HCN4: variants seen among roughly 807,000 people sequenced by gnomAD.
HCN4 encodes potassium/sodium hyperpolarization-activated cyclic nucleotide-gated channel 4.
In HCN4, 29 loss-of-function variants were observed where a neutral mutation model predicts 76.9. The ratio of observed to expected loss-of-function variants is 0.38; its 90% CI spans 0.28 to 0.51. The LOEUF is 0.51. HCN4 is among the 20% of genes least tolerant of loss of function. The pLI is 0.90. For synonymous variants in HCN4, 772 were observed against 762.5 expected (o/e 1.01, Z -0.21); for missense variants, 1,416 against 1,715.2 (o/e 0.83, Z 3.08).
At chr15:73,360,131 G>A (rs2043098569) in intron 1 of HCN4, among the ~76,000 whole-genome samples, 1 of 152,182 alleles carries the variant, frequency 6.6e-6, no homozygotes, top group Non-Finnish European at 1.5e-5. Flanking sequence ...AATTTTGATG[G>A]GATCCTGAAA....
Position 73,323,463 on chromosome 15 carries a change from G to A in HCN4, c.2630C>T (p.Ser877Leu), listed in dbSNP as rs1265789896. 3 of 1,607,778 alleles carry A rather than the reference G, an allele frequency of 1.9e-6. No individual in the cohort carries two copies. The African/African-American group carries it at 4.0e-5, about 21-fold the overall frequency. Residue 877 changes from serine to leucine, a missense_variant, in exon 8 of 8, where the codon TCA (serine) becomes TTA (leucine). Physicochemically the swap from Ser to Leu is moderately radical, Grantham distance 145. This residue lies in a region of HCN4 where 633 missense variants were observed against 579.8 expected (regional missense o/e 1.09). Coordinates refer to ENST00000261917, the MANE Select transcript of HCN4 (RefSeq NM_005477.3). ...CCCGGGGGGTGGGGAGGAGCTGGAT[G>A]AGGGCAGGAGTGGGCTCAGTCCAGC... is the stretch of plus-strand genomic sequence containing the variant. ...APAGLSPLLP[S>L]SSSSPPPGAC... is the part of the protein sequence containing the mutation.
At chr15:73,364,780 T>C (rs114677945) in intron 1 of HCN4, among the ~76,000 whole-genome samples, 1 of 152,090 alleles carries the variant, frequency 6.6e-6, no homozygotes, top group Non-Finnish European at 1.5e-5. Flanking sequence ...TGATTAGCCA[T>C]GGCCCAGGTT....
chr15:73,368,056 A>T lies in HCN4; in HGVS notation c.215T>A (p.Leu72His). ...CGGCCCTTCGCTGTCCGCTGCCCCGAGGGCCGAGCTCCGGGACTCCGTGCC... is the reference window on the plus strand; with the variant it reads ...CGGCCCTTCGCTGTCCGCTGCCCCGTGGGCCGAGCTCCGGGACTCCGTGCC... ...AGGTESRSSA[L>H]GAADSEGPAR... The change falls in exon 1 of 8, where the codon CTC (leucine) becomes CAC (histidine). Residue 72 changes from leucine to histidine, a missense_variant. By Grantham distance (99) the Leu-to-His change is moderately conservative. Coordinates refer to ENST00000261917, the MANE Select transcript of HCN4 (RefSeq NM_005477.3). The surrounding 1 kb of genome is among the most constrained non-coding windows in gnomAD (Gnocchi z 6.9). 6.8e-7 allele frequency: 1 copy of T among 1,477,440 alleles called. No individual in the cohort carries two copies. Among genetic ancestry groups the T allele is most frequent in the Middle Eastern group, 2.2e-4 (1 of 4,646 alleles). The allele number at this position is 1,477,440 out of a possible 1,614,324, so 91.5% of individuals were successfully genotyped here.
rs1179703489 is a variant in HCN4, at chr15:73,322,199, A to C, written c.*282T>G. On this transcript the variant is annotated 3_prime_UTR_variant, in exon 8 of 8. Transcript: ENST00000261917. ...ACCCCTGCCCAGCCCCGGAGACCCC[A>C]TCTGCCTTTCTCTGGCTTTTGCATT... 19 of 322,394 alleles carry C rather than the reference A, an allele frequency of 5.9e-5. No individual in the cohort carries two copies. The highest frequency in any genetic ancestry group is 1.0e-4 in the South Asian group (4 of 38,488). 20.0% of individuals were successfully genotyped at this position (322,394 alleles called of 1,614,324 possible). A position where few individuals can be genotyped will look rare whatever the true frequency, so the allele number is the denominator to read the frequency against.
chr15:73,337,573 T>C (rs2042974401), intron 2 of HCN4, among the ~76,000 whole-genome samples: 1 of 152,236 alleles, frequency 6.6e-6, no homozygotes, highest in African/African-American at 2.4e-5. Flanking sequence ...CTTTATCTTT[T>C]CATTACTCCT....
At chr15:73,347,507 A>T in intron 1 of HCN4, among the ~76,000 whole-genome samples, 1 of 152,180 alleles carries the variant, frequency 6.6e-6, no homozygotes. Flanking sequence ...AGGTAGAGGA[A>T]GTAGCACACC....
chr15:73,345,886 G>A (rs908149379), intron 1 of HCN4, among the ~76,000 whole-genome samples: 9 of 152,320 alleles, frequency 5.9e-5, no homozygotes, highest in African/African-American at 1.7e-4. Flanking sequence ...CAAGGCGGCT[G>A]GGAATGCTGA....
chr15:73,338,360 C>CTACA (rs2042979108), intron 2 of HCN4, among the ~76,000 whole-genome samples: 2 of 152,262 alleles, frequency 1.3e-5, no homozygotes, highest in African/African-American at 4.8e-5. Context: ...GCGGTCCAGG[C>CTACA]AGCTCACTCT....
chr15:73,339,052 C>T (rs377048046), intron 2 of HCN4, among the ~76,000 whole-genome samples: 4 of 152,230 alleles, frequency 2.6e-5, no homozygotes, highest in African/African-American at 9.6e-5. Flanking sequence ...TGCCTCCAGC[C>T]CCTCTTTGGC....
rs1057518303 is a variant in HCN4, at chr15:73,343,698, T to C, written c.896A>G (p.Asn299Ser). Residue 299 changes from asparagine to serine, a missense_variant, in exon 2 of 8, where the codon AAT (asparagine) becomes AGT (serine). Physicochemically the swap from Asn to Ser is conservative, Grantham distance 46 (BLOSUM62 1). This residue lies in a region of HCN4 where 52 missense variants were observed against 129.1 expected (regional missense o/e 0.40). Coordinates refer to ENST00000261917, the MANE Select transcript of HCN4 (RefSeq NM_005477.3). This position sits in a 1 kb window ranked among gnomAD's most constrained non-coding sequence, Gnocchi z 5.7. ...DENTTPWIVFNVVSDTFFLID... is the reference protein window; with the variant it reads ...DENTTPWIVFSVVSDTFFLID... The stretch of plus-strand genomic sequence containing the variant: ...GAGGAAGAATGTGTCTGACACCACA[T>C]TGAAGACAATCCAGGGTGTGGTGTT... The C allele has an allele frequency of 6.2e-7, 1 of 1,614,144 alleles. No individual in the cohort carries two copies. The highest frequency in any genetic ancestry group is 8.5e-7 in the Non-Finnish European group (1 of 1,179,998).
At chr15:73,364,496 G>A (rs1281514948) in intron 1 of HCN4, among the ~76,000 whole-genome samples, 3 of 152,230 alleles carry the variant, frequency 2.0e-5, no homozygotes, top group Non-Finnish European at 4.4e-5. Flanking sequence ...GTGGAAGGAA[G>A]GACCCATCCA....
chr15:73,359,671 C>T (rs1469298641), intron 1 of HCN4, among the ~76,000 whole-genome samples: 4 of 152,126 alleles, frequency 2.6e-5, no homozygotes, highest in Admixed American at 2.6e-4. Context: ...CGGACTGAAC[C>T]CCAATCCTGG....
chr15:73,354,070 C>G (rs760135284), intron 1 of HCN4, among the ~76,000 whole-genome samples: 3 of 152,214 alleles, frequency 2.0e-5, no homozygotes, highest in Non-Finnish European at 4.4e-5. Flanking sequence ...CTAGGGCTGC[C>G]TCAGACACAG....
intron 2 of HCN4, among the ~76,000 whole-genome samples, chr15:73,337,897 G>C (rs773194095): frequency 6.6e-6 from 1 of 152,224 alleles, no homozygotes; most frequent in Non-Finnish European, 1.5e-5. Context: ...TGGTGGTGGT[G>C]AAGCCTGGAA....
At chr15:73,358,333 C>T (rs1283217010) in intron 1 of HCN4, among the ~76,000 whole-genome samples, 2 of 152,220 alleles carry the variant, frequency 1.3e-5, no homozygotes, top group Non-Finnish European at 1.5e-5. Context: ...AACAAGTGCC[C>T]TCACATCCTC....
rs987606566 is a variant in HCN4 at position 73,322,380 on chromosome 15, A to ATAAT, written c.*97_*100dup. On this transcript the variant is annotated 3_prime_UTR_variant, in exon 8 of 8. Transcript: ENST00000261917. Reference sequence around the variant, plus strand: ...TTTTCTGGTGTGTGTGGTTTTTTAAATAATTATTACTGTTATTGGTATATC... The same window carrying ATAAT: ...TTTTCTGGTGTGTGTGGTTTTTTAAATAATTAATTATTACTGTTATTGGTATATC... 4.5e-5 allele frequency: 45 copies of ATAAT among 992,904 alleles called. No homozygotes were observed. The African/African-American group carries it at 6.7e-4, about 15-fold the overall frequency. 61.5% of individuals were successfully genotyped at this position (992,904 alleles called of 1,614,324 possible). A position where few individuals can be genotyped will look rare whatever the true frequency, so the allele number is the denominator to read the frequency against.
intron 1 of HCN4, among the ~76,000 whole-genome samples, chr15:73,357,443 A>G (rs2043086306): frequency 6.6e-6 from 1 of 151,398 alleles, no homozygotes; most frequent in African/African-American, 2.4e-5. Flanking sequence ...GGGCCCCTCC[A>G]CCCACAGTCA....
intron 1 of HCN4, among the ~76,000 whole-genome samples, chr15:73,358,591 C>G (rs905432088): frequency 1.3e-5 from 2 of 152,218 alleles, no homozygotes; most frequent in Non-Finnish European, 2.9e-5. Flanking sequence ...CACATACACA[C>G]AGGCAAACAC....
At position 73,325,279 on chromosome 15, in the gene HCN4, G is replaced by C. The variant is rs369310342; in HGVS notation, c.1737+19C>G. 1 of 1,614,092 alleles carries C rather than the reference G, an allele frequency of 6.2e-7. No homozygotes were observed. ...GGAAGGCCTGGCTCCCCTCCACGCC[G>C]GGCCGCCACACAGCTCACCTCCCGC... On this transcript the variant is annotated intron_variant, in intron 5 of 7. Coordinates refer to ENST00000261917, the MANE Select transcript of HCN4 (RefSeq NM_005477.3). This position sits in a 1 kb window ranked among gnomAD's most constrained non-coding sequence, Gnocchi z 7.4.
Sources: allele counts gnomAD v4.1 joint callset (sites outside exome capture counted in the v4.1 genomes callset), GRCh38; gene constraint gnomAD v4.1.1; regional missense constraint gnomAD v4.1.1; non-coding constraint Gnocchi (gnomAD v3.1); transcripts MANE v1.5; gene names NCBI Gene and HGNC (gene_info 2026-07-23, HGNC 2026-07-21).